The following SLC4A4 variants were observed in gnomAD, a reference collection of about 807,000 sequenced individuals.
The protein encoded by SLC4A4 is solute carrier family 4 member 4.
Under a neutral mutation model 111.5 loss-of-function variants are expected in SLC4A4, and 27 were observed. The observed-to-expected ratio is 0.24, with a 90% CI of 0.18 to 0.33. The LOEUF (loss-of-function observed/expected upper bound fraction) is 0.33, where lower values mean the gene tolerates loss of function less well. Among genes scored for constraint, SLC4A4 ranks in the 10% least tolerant of loss-of-function variants. The pLI, the probability that SLC4A4 is intolerant of heterozygous loss-of-function variation, is 1.00. For missense variants in SLC4A4, 909 were observed against 1,315.5 expected (o/e 0.69, Z 4.78); for synonymous variants, 443 against 463.4 (o/e 0.96, Z 0.57).
At chr4:71,070,485 A>G (rs949402419) in intron 1 of SLC4A4, among the ~76,000 whole-genome samples, 1 of 152,136 alleles carries the variant, frequency 6.6e-6, no homozygotes, top group African/African-American at 2.4e-5. Context: ...TTATTGGCCA[A>G]AGTCAATGGC....
At chr4:71,388,533 TATTCATTCATTC>T (rs201599029) in intron 6 of SLC4A4, among the ~76,000 whole-genome samples, 91 of 151,814 alleles carry the variant, frequency 6.0e-4, no homozygotes, top group Non-Finnish European at 1.2e-3. Context: ...TATTATATTA[TATTCATTCATTC>T]ATTCATTCAT....
At position 71,238,186 on chromosome 4, in the gene SLC4A4, G is replaced by A. The variant is rs551370146; in HGVS notation, c.73+1537G>A. Among the ~76,000 whole-genome samples the A allele has an allele frequency of 3.9e-5, 6 of 152,302 alleles. No homozygotes were observed. The East Asian group carries it at 5.8e-4, about 15-fold the overall frequency. ...CTTGGGAGTGACATATACTGTGTGC[G>A]TGTGTTTTCCTTTGAGAATAATGTT... On this transcript the variant is annotated intron_variant, in intron 2 of 25. Transcript: ENST00000264485.
chr4:71,488,156 T>G (rs1192173948), intron 15 of SLC4A4, among the ~76,000 whole-genome samples: 1 of 149,062 alleles, frequency 6.7e-6, no homozygotes, highest in Non-Finnish European at 1.5e-5. Context: ...AATATATATT[T>G]TAATTAAAAT....
intron 8 of SLC4A4, among the ~76,000 whole-genome samples, chr4:71,444,179 G>A (rs1725020306): frequency 6.6e-6 from 1 of 152,208 alleles, no homozygotes; most frequent in Admixed American, 6.5e-5. Context: ...GGTTTAGGAA[G>A]GCTAGCTCCT....
chr4:71,557,260 C>T (rs1736554980), intron 21 of SLC4A4, among the ~76,000 whole-genome samples: 1 of 151,958 alleles, frequency 6.6e-6, no homozygotes, highest in Admixed American at 6.6e-5. Flanking sequence ...ATCCTTAAAA[C>T]ATTCTGGAAA....
Position 71,192,670 on chromosome 4 carries a change from C to T in SLC4A4, c.-2+5269C>T, listed in dbSNP as rs1745784545. On this transcript the variant is annotated intron_variant, in intron 1 of 25. Coordinates refer to ENST00000264485, the MANE Select transcript of SLC4A4 (RefSeq NM_001098484.3). ...ACTTTCTCAGCTCTTCCTTATTTTC[C>T]CCTCCCCTCTTCCTTCTGTTAAGTT... Among the ~76,000 whole-genome samples, 3 of 152,116 alleles carry T rather than the reference C, an allele frequency of 2.0e-5. No individual in the cohort carries two copies. The South Asian group carries it at 6.2e-4, about 32-fold the overall frequency.
At chr4:71,169,987 C>T (rs1560756297) in intron 2 of SLC4A4, among the ~76,000 whole-genome samples, 3 of 152,310 alleles carry the variant, frequency 2.0e-5, no homozygotes, top group South Asian at 2.1e-4. Flanking sequence ...CTACCGTCAC[C>T]GATCTCCCTT....
intron 12 of SLC4A4, among the ~76,000 whole-genome samples, chr4:71,461,179 C>T (rs1726783304): frequency 6.6e-6 from 1 of 152,142 alleles, no homozygotes; most frequent in East Asian, 1.9e-4. Context: ...TTTCTTTTTG[C>T]TGTTATAAAC....
At chr4:71,161,804 T>C (rs927481731) in intron 2 of SLC4A4, among the ~76,000 whole-genome samples, 2 of 152,142 alleles carry the variant, frequency 1.3e-5, no homozygotes, top group African/African-American at 4.8e-5. Flanking sequence ...TTTTAAGAGA[T>C]GAAAGAAAGA....
intron 25 of SLC4A4, among the ~76,000 whole-genome samples, chr4:71,567,333 CT>C (rs1460606759): frequency 1.3e-5 from 2 of 151,708 alleles, no homozygotes; most frequent in African/African-American, 4.8e-5. Context: ...AACATTAGCT[CT>C]TTTAATTTCA....
At chr4:71,361,510 A>C (rs2148918827) in intron 6 of SLC4A4, among the ~76,000 whole-genome samples, 1 of 152,356 alleles carries the variant, frequency 6.6e-6, no homozygotes, top group South Asian at 2.1e-4. Context: ...ATTTTAGGCA[A>C]ATGCTATCAT....
chr4:71,187,860 G>A (rs1443986651), intron 1 of SLC4A4, among the ~76,000 whole-genome samples: 1 of 152,128 alleles, frequency 6.6e-6, no homozygotes, highest in Non-Finnish European at 1.5e-5. Flanking sequence ...TGGTGCTACC[G>A]AGGCCGCGGC....
intron 11 of SLC4A4, 139 bp from the exon 12 acceptor site, chr4:71,453,356 A>T: frequency 1.1e-6 from 1 of 879,552 alleles, no homozygotes. Flanking sequence ...TTCTGGTTTC[A>T]TCGTAAGTGG....
chr4:71,484,847 G>T (rs959584034), intron 14 of SLC4A4, among the ~76,000 whole-genome samples: 1 of 151,558 alleles, frequency 6.6e-6, no homozygotes, highest in Non-Finnish European at 1.5e-5. Context: ...GTGGTTTGTG[G>T]TTCTCCTTGT....
intron 2 of SLC4A4, among the ~76,000 whole-genome samples, chr4:71,164,114 C>T (rs1017718421): frequency 6.6e-6 from 1 of 152,128 alleles, no homozygotes; most frequent in Non-Finnish European, 1.5e-5. Flanking sequence ...GGCATGGTGG[C>T]TCACACCTAT....
intron 15 of SLC4A4, among the ~76,000 whole-genome samples, chr4:71,493,952 C>T (rs544285537): frequency 2.8e-4 from 42 of 152,170 alleles, no homozygotes; most frequent in Non-Finnish European, 4.1e-4. Flanking sequence ...TTACCCATCA[C>T]TCTGATGACT....
At chr4:71,130,949 G>A (rs1295790574) in intron 2 of SLC4A4, among the ~76,000 whole-genome samples, 1 of 152,122 alleles carries the variant, frequency 6.6e-6, no homozygotes, top group Non-Finnish European at 1.5e-5. Context: ...GTGACACAGT[G>A]GGAGGAAAGT....
chr4:71,300,834 C>G, intron 3 of SLC4A4: 1 of 452,968 alleles, frequency 2.2e-6, no homozygotes, highest in Non-Finnish European at 4.5e-6. Context: ...AGAAGCAGTG[C>G]TGGAGGCAGA....
At chr4:71,416,110 T>A (rs1721802397) in intron 7 of SLC4A4, among the ~76,000 whole-genome samples, 1 of 152,200 alleles carries the variant, frequency 6.6e-6, no homozygotes, top group African/African-American at 2.4e-5. Flanking sequence ...TTTCAAACAC[T>A]GGATAACAAT....
Sources: gnomAD v4.1 joint callset for allele counts (sites outside exome capture counted in the v4.1 genomes callset) on GRCh38, gnomAD v4.1.1 for gene constraint, MANE v1.5 for transcripts, NCBI Gene and HGNC (gene_info 2026-07-23, HGNC 2026-07-21) for gene names.